Variants in RAP1GAP2 observed in about 807,000 individuals in gnomAD.
RAP1GAP2 encodes the protein RAP1 GTPase activating protein 2, also known as rap1 GTPase-activating protein 2.
RAP1GAP2 carries 27 observed loss-of-function variants against 95.0 expected under a neutral mutation model. That is an observed-to-expected ratio of 0.28 (90% CI 0.21 to 0.39). RAP1GAP2 has a LOEUF of 0.39. RAP1GAP2 is among the 10% of genes least tolerant of loss of function. The pLI is 1.00. For missense variants in RAP1GAP2, 771 were observed against 970.0 expected (o/e 0.79, Z 2.72); for synonymous variants, 373 against 380.9 (o/e 0.98, Z 0.24).
intron 3 of RAP1GAP2, among the ~76,000 whole-genome samples, chr17:2,918,322 A>G (rs1331035385): frequency 6.8e-6 from 1 of 147,708 alleles, no homozygotes. Flanking sequence ...AATCCCAGCT[A>G]TTTGGGAGGC....
At chr17:3,026,498 T>C in intron 21 of RAP1GAP2, 34 bp downstream of exon 21, 2 of 1,476,278 alleles carry the variant, frequency 1.4e-6, no homozygotes, top group Non-Finnish European at 1.8e-6. Context: ...GGGCAGGCAC[T>C]CTGGGGCGTC....
intron 16 of RAP1GAP2, among the ~76,000 whole-genome samples, chr17:3,006,590 C>T (rs941259410): frequency 2.2e-4 from 34 of 152,106 alleles, no homozygotes; most frequent in African/African-American, 5.1e-4. Flanking sequence ...CCCGCCACCA[C>T]GCCCAGCTAA....
chr17:2,957,882 C>T, intron 4 of RAP1GAP2, 88 bp downstream of exon 4: 1 of 1,343,004 alleles, frequency 7.4e-7, no homozygotes, highest in Non-Finnish European at 1.0e-6. Context: ...CGGGCAGAAG[C>T]CGGGTGCCCT....
intron 2 of RAP1GAP2, among the ~76,000 whole-genome samples, chr17:2,882,080 A>G (rs1324605807): frequency 6.7e-5 from 10 of 149,458 alleles, no homozygotes; most frequent in African/African-American, 2.0e-4. Context: ...TCAGTTTCTC[A>G]AAGTGCTGGG....
At position 2,912,206 on chromosome 17, in the gene RAP1GAP2, GC is replaced by G. The variant is rs1462569722; in HGVS notation, c.165+6842del. On this transcript the variant is annotated intron_variant, in intron 3 of 24. Coordinates refer to ENST00000254695, the MANE Select transcript of RAP1GAP2 (RefSeq NM_015085.5). Reference sequence around the variant, plus strand: ...TGGAGATCAGAGGAGCCTCCTCCTTGCCCCTCTCTATCCCTCTGGGCAGAGC... The same window carrying G: ...TGGAGATCAGAGGAGCCTCCTCCTTGCCCTCTCTATCCCTCTGGGCAGAGC... Among the ~76,000 whole-genome samples, 4 of 152,170 alleles carry G rather than the reference GC, an allele frequency of 2.6e-5. No individual in the cohort carries two copies. In the East Asian group the frequency reaches 7.7e-4, roughly 29 times the overall value.
intron 3 of RAP1GAP2, among the ~76,000 whole-genome samples, chr17:2,952,855 A>G (rs2043966220): frequency 1.3e-5 from 2 of 151,414 alleles, no homozygotes; most frequent in African/African-American, 2.4e-5. Context: ...CTCAGGCTGG[A>G]GTGCAGTGGT....
Position 3,008,014 on chromosome 17 carries a change from C to A in RAP1GAP2, c.1363C>A (p.Arg455=). ...KSDKFAKLED[R]TRAALLDNLH... ...TCCCCACCCTCTTCCCTTCTAGGAC[C>A]GGACCAGGGCTGCCCTCCTGGACAA... Residue 455 remains arginine, a synonymous_variant, in exon 17 of 25, where the codon CGG becomes AGG. Coordinates refer to ENST00000254695, the MANE Select transcript of RAP1GAP2 (RefSeq NM_015085.5). The surrounding 1 kb of genome is among the most constrained non-coding windows in gnomAD (Gnocchi z 4.2). 6.2e-7 allele frequency: 1 copy of A among 1,613,710 alleles called. No homozygotes were observed. Among genetic ancestry groups the A allele is most frequent in the Non-Finnish European group, 8.5e-7 (1 of 1,179,750 alleles).
chr17:2,977,638 G>A (rs1252700964), intron 8 of RAP1GAP2, among the ~76,000 whole-genome samples: 4 of 151,482 alleles, frequency 2.6e-5, no homozygotes, highest in East Asian at 1.9e-4. Context: ...CCAGCTACTC[G>A]GGAGGCTGAG....
At chr17:2,844,788 A>T (rs1375041753) in intron 2 of RAP1GAP2, among the ~76,000 whole-genome samples, 2 of 152,198 alleles carry the variant, frequency 1.3e-5, no homozygotes, top group Admixed American at 6.5e-5. Flanking sequence ...TTACACCCAC[A>T]AAGAGGGGCA....
At chr17:2,922,181 A>G (rs888331677) in intron 3 of RAP1GAP2, among the ~76,000 whole-genome samples, 1 of 152,164 alleles carries the variant, frequency 6.6e-6, no homozygotes, top group Non-Finnish European at 1.5e-5. Context: ...GTCTAAGATG[A>G]CACCTTCTTG....
rs545836557 is a variant in RAP1GAP2, at chr17:2,902,259, C to A, written c.81-3025C>A. Among the ~76,000 whole-genome samples, 6 of 152,048 alleles carry A rather than the reference C, an allele frequency of 3.9e-5. No individual in the cohort carries two copies. The East Asian group carries it at 9.7e-4, about 25-fold the overall frequency. On this transcript the variant is annotated intron_variant, in intron 2 of 24. Transcript: ENST00000254695. This position sits in a 1 kb window ranked among gnomAD's most constrained non-coding sequence, Gnocchi z 4.1. ...TGAGATGGAGTCTTGCTCTGTCACC[C>A]GAGCTGGAGTGCAGTGGCACGATCT...
intron 2 of RAP1GAP2, among the ~76,000 whole-genome samples, chr17:2,834,136 A>C (rs552073621): frequency 6.6e-6 from 1 of 152,090 alleles, no homozygotes. Flanking sequence ...GGCTTTACTG[A>C]CCAGAGAGGT....
chr17:2,889,889 A>ATATATATATATTTTTTT (rs1408426152), intron 2 of RAP1GAP2, among the ~76,000 whole-genome samples: 5 of 57,316 alleles, frequency 8.7e-5, no homozygotes, highest in African/African-American at 3.6e-4. Context: ...ATATATATAT[A>ATATATATATATTTTTTT]TTTTTTTTTT....
chr17:2,930,465 C>A (rs561681798), intron 3 of RAP1GAP2, among the ~76,000 whole-genome samples: 2 of 152,306 alleles, frequency 1.3e-5, no homozygotes, highest in South Asian at 4.1e-4. Context: ...GTGGCAGCTT[C>A]CTCACTCGGA....
chr17:2,927,447 C>CT (rs2043007101), intron 3 of RAP1GAP2, among the ~76,000 whole-genome samples: 1 of 152,200 alleles, frequency 6.6e-6, no homozygotes, highest in Non-Finnish European at 1.5e-5. Flanking sequence ...GCCACCGCGC[C>CT]CGGCTGAGCA....
chr17:2,775,915 A>G (rs1251815190), upstream of RAP1GAP2, among the ~76,000 whole-genome samples: 1 of 152,202 alleles, frequency 6.6e-6, no homozygotes, highest in Non-Finnish European at 1.5e-5. Flanking sequence ...GCGGTGGCTC[A>G]TGCCTGTCAT....
chr17:2,998,343 C>G lies in RAP1GAP2; in HGVS notation c.1167C>G (p.Val389=). 2.5e-6 allele frequency: 4 copies of G among 1,614,008 alleles called. No homozygotes were observed. Among genetic ancestry groups the G allele is most frequent in the Non-Finnish European group, 3.4e-6 (4 of 1,179,898 alleles). ...TACATGCCTACATCGTCGTGCAGGT[C>G]GAGACCCCAGGCACAGAGACCCCAT... ...NFLHAYIVVQ[V]ETPGTETPSY... Residue 389 remains valine, a synonymous_variant, in exon 14 of 25, where the codon GTC becomes GTG. Transcript: ENST00000254695.
rs576847424 is a variant in RAP1GAP2, at chr17:2,827,980, C to T, written c.80+27430C>T. Among the ~76,000 whole-genome samples, 16 of 152,158 alleles carry T rather than the reference C, an allele frequency of 1.1e-4. No homozygotes were observed. Among genetic ancestry groups the T allele is most frequent in the Non-Finnish European group, 1.5e-4 (10 of 68,038 alleles). Reference sequence around the variant, plus strand: ...TCCCTGTGGGGGAGCCACAAGAGGCCGTCCCTGGGCCTGCAAGCATGAGAT... The same window carrying T: ...TCCCTGTGGGGGAGCCACAAGAGGCTGTCCCTGGGCCTGCAAGCATGAGAT... On this transcript the variant is annotated intron_variant, in intron 2 of 24. Transcript: ENST00000254695. The surrounding 1 kb of genome is among the most constrained non-coding windows in gnomAD (Gnocchi z 4.1).
In RAP1GAP2 at chr17:3,027,723, G is replaced by A. The variant is rs1292539277; in HGVS notation, c.2107+653G>A. Among the ~76,000 whole-genome samples the A allele has an allele frequency of 1.3e-5, 2 of 150,762 alleles. No individual in the cohort carries two copies. The highest frequency in any genetic ancestry group is 6.6e-5 in the Admixed American group (1 of 15,134). ...ATCTGGAGTTGAGAAAGTCCATTTT[G>A]GCTGCTGCAGCTGCTGAGTGTAGAA... On this transcript the variant is annotated intron_variant, in intron 22 of 24. Coordinates refer to ENST00000254695, the MANE Select transcript of RAP1GAP2 (RefSeq NM_015085.5). The surrounding 1 kb of genome is among the most constrained non-coding windows in gnomAD (Gnocchi z 5.2).
Sources: gnomAD v4.1 joint callset for allele counts (sites outside exome capture counted in the v4.1 genomes callset) on GRCh38, gnomAD v4.1.1 for gene constraint, Gnocchi (gnomAD v3.1) non-coding constraint, MANE v1.5 for transcripts, NCBI Gene and HGNC (gene_info 2026-07-23, HGNC 2026-07-21) for gene names.